Variants in TAFA2 observed in about 807,000 individuals in gnomAD.
TAFA2 encodes chemokine-like protein TAFA-2.
In TAFA2, 7 loss-of-function variants were observed where a neutral mutation model predicts 18.8. The observed-to-expected ratio is 0.37, with a 90% CI of 0.21 to 0.70. The LOEUF is 0.70. TAFA2 is among the 30% of genes least tolerant of loss of function. The pLI is 0.53. For synonymous variants in TAFA2, 60 were observed against 54.2 expected (o/e 1.11, Z -0.47); for missense variants, 122 against 158.1 (o/e 0.77, Z 1.23).
intron 2 of TAFA2, among the ~76,000 whole-genome samples, chr12:61,829,483 C>A (rs1159168372): frequency 6.6e-6 from 1 of 151,468 alleles, no homozygotes; most frequent in Non-Finnish European, 1.5e-5. Flanking sequence ...ATATATTGAA[C>A]AATTATTTTT....
intron 1 of TAFA2, among the ~76,000 whole-genome samples, chr12:61,992,716 T>C (rs554116168): frequency 6.6e-6 from 1 of 152,238 alleles, no homozygotes; most frequent in Admixed American, 6.5e-5. Flanking sequence ...TCCAATCCCC[T>C]TTTTCTGCTC....
chr12:61,798,844 C>G (rs1028538462), intron 2 of TAFA2, among the ~76,000 whole-genome samples: 1 of 152,146 alleles, frequency 6.6e-6, no homozygotes, highest in Non-Finnish European at 1.5e-5. Flanking sequence ...ACATGAGATA[C>G]TAAAAATGTT....
intron 1 of TAFA2, among the ~76,000 whole-genome samples, chr12:61,967,738 G>C (rs1592519895): frequency 6.6e-6 from 1 of 151,704 alleles, no homozygotes; most frequent in Non-Finnish European, 1.5e-5. Flanking sequence ...GACTGAAAAA[G>C]GAAATCAGAA....
chr12:62,165,939 T>A (rs199809321), intron 1 of TAFA2, among the ~76,000 whole-genome samples: 63 of 139,436 alleles, frequency 4.5e-4, no homozygotes, highest in Middle Eastern at 7.5e-3. Flanking sequence ...TCTCTCTCTC[T>A]CACACACACA....
intron 1 of TAFA2, among the ~76,000 whole-genome samples, chr12:62,137,003 C>A (rs1402071205): frequency 5.3e-5 from 8 of 152,142 alleles, no homozygotes; most frequent in Non-Finnish European, 8.8e-5. Flanking sequence ...CCATCCCCAG[C>A]AGAAGTCTCT....
At chr12:62,103,672 C>T (rs963562110) in intron 1 of TAFA2, among the ~76,000 whole-genome samples, 3 of 150,804 alleles carry the variant, frequency 2.0e-5, no homozygotes, top group Admixed American at 6.6e-5. Flanking sequence ...ACCCGGGAGG[C>T]GGAGGTTGCG....
chr12:61,795,281 G>A (rs1014010295), intron 2 of TAFA2, among the ~76,000 whole-genome samples: 8 of 152,074 alleles, frequency 5.3e-5, no homozygotes, highest in African/African-American at 7.2e-5. Context: ...ACATGCACAC[G>A]TATGTTTATT....
intron 1 of TAFA2, among the ~76,000 whole-genome samples, chr12:62,176,518 C>A (rs2062514864): frequency 2.0e-5 from 3 of 152,092 alleles, no homozygotes; most frequent in Admixed American, 1.3e-4. Flanking sequence ...AAAAGACACA[C>A]TTTGGCTCAC....
At chr12:62,006,716 G>C (rs1880563962) in intron 1 of TAFA2, among the ~76,000 whole-genome samples, 1 of 152,068 alleles carries the variant, frequency 6.6e-6, no homozygotes, top group African/African-American at 2.4e-5. Context: ...TGCAAGCACT[G>C]ACATTGTCAT....
intron 1 of TAFA2, among the ~76,000 whole-genome samples, chr12:61,943,394 A>G (rs968916387): frequency 1.3e-5 from 2 of 151,182 alleles, no homozygotes; most frequent in African/African-American, 4.9e-5. Flanking sequence ...AACTGCATCA[A>G]CTAACGAGCA....
intron 1 of TAFA2, among the ~76,000 whole-genome samples, chr12:61,927,007 G>A (rs529526493): frequency 6.6e-5 from 10 of 150,598 alleles, no homozygotes; most frequent in Admixed American, 2.0e-4. Flanking sequence ...CCCAGGGGGC[G>A]GAGGTTGCAG....
chr12:61,920,900 GA>G (rs1877024355), intron 1 of TAFA2, among the ~76,000 whole-genome samples: 1 of 152,012 alleles, frequency 6.6e-6, no homozygotes, highest in Non-Finnish European at 1.5e-5. Flanking sequence ...AGCCCTTATG[GA>G]AGAGATTCAG....
intron 2 of TAFA2, among the ~76,000 whole-genome samples, chr12:61,861,253 C>T (rs561422522): frequency 1.6e-3 from 228 of 141,066 alleles, no homozygotes; most frequent in African/African-American, 5.7e-3. Context: ...TGCCTGGCCT[C>T]GCCTTTTTTT....
At chr12:61,907,646 G>A (rs1158908062) in intron 1 of TAFA2, among the ~76,000 whole-genome samples, 2 of 152,138 alleles carry the variant, frequency 1.3e-5, no homozygotes, top group Admixed American at 1.3e-4. Context: ...GGATCTGTGA[G>A]AAGAGGGCCA....
At chr12:62,169,849 T>TTA (rs2062464801) in intron 1 of TAFA2, among the ~76,000 whole-genome samples, 1 of 48,200 alleles carries the variant, frequency 2.1e-5, no homozygotes, top group Non-Finnish European at 4.2e-5. Flanking sequence ...AGACTCCGTC[T>TTA]CAAAAAAAAA....
chr12:62,140,174 T>G (rs2062227945), intron 1 of TAFA2: 2 of 152,168 alleles, frequency 1.3e-5, no homozygotes, highest in Non-Finnish European at 2.9e-5. Context: ...TTCCTATTAT[T>G]TAGTTGTGGG....
At chr12:61,845,076 GAACA>G (rs778252328) in intron 2 of TAFA2, among the ~76,000 whole-genome samples, 3 of 151,994 alleles carry the variant, frequency 2.0e-5, no homozygotes, top group African/African-American at 4.8e-5. Flanking sequence ...AGTTAGCAGA[GAACA>G]AACAACAAAG....
Position 61,942,416 on chromosome 12 carries a change from G to A in TAFA2, c.-1-74990C>T, listed in dbSNP as rs201695836. Among the ~76,000 whole-genome samples the A allele has an allele frequency of 0.01, 1,516 of 151,104 alleles. 68 individuals carry two copies. The East Asian group carries it at 0.15, about 15-fold the overall frequency. ...AGAGCCTCTCCTCCTCCAAAGGAAC[G>A]CAGTTCCTCACCAGCAATGGAACAA... On this transcript the variant is annotated intron_variant, in intron 1 of 4. Coordinates refer to ENST00000416284, the MANE Select transcript of TAFA2 (RefSeq NM_178539.5).
intron 1 of TAFA2, among the ~76,000 whole-genome samples, chr12:61,986,909 G>A (rs1251486274): frequency 6.6e-6 from 1 of 152,154 alleles, no homozygotes; most frequent in Admixed American, 6.5e-5. Flanking sequence ...GTCTATGTCC[G>A]AGGCTCACAT....
Sources: allele counts gnomAD v4.1 joint callset (sites outside exome capture counted in the v4.1 genomes callset), GRCh38; gene constraint gnomAD v4.1.1; transcripts MANE v1.5; gene names NCBI Gene and HGNC (gene_info 2026-07-23, HGNC 2026-07-21).